MBNL2: variants seen among roughly 807,000 people sequenced by gnomAD.
MBNL2 encodes the protein muscleblind like splicing regulator 2, also known as muscleblind-like protein 2.
In MBNL2, 17 loss-of-function variants were observed where a neutral mutation model predicts 41.9. That is an observed-to-expected ratio of 0.41 (90% CI 0.28 to 0.61). MBNL2 has a LOEUF of 0.61. Among genes scored for constraint, MBNL2 ranks in the 20% least tolerant of loss-of-function variants. The pLI, the probability that MBNL2 is intolerant of heterozygous loss-of-function variation, is 0.35. For synonymous variants in MBNL2, 195 were observed against 182.9 expected (o/e 1.07, Z -0.53); for missense variants, 336 against 505.6 (o/e 0.66, Z 3.22).
intron 1 of MBNL2, among the ~76,000 whole-genome samples, chr13:97,232,992 T>C (rs1041568607): frequency 9.3e-5 from 14 of 151,012 alleles, no homozygotes; most frequent in African/African-American, 3.4e-4. Flanking sequence ...CTGTAAGACC[T>C]ATTCCAAAGT....
chr13:97,178,282 G>A, the MBNL2 span, among the ~76,000 whole-genome samples: 2 of 152,186 alleles, frequency 1.3e-5, no homozygotes, highest in South Asian at 2.1e-4. Context: ...ATTTATTTAT[G>A]TGTTTAACTA....
At chr13:97,194,836 C>A in the MBNL2 span, among the ~76,000 whole-genome samples, 2 of 152,268 alleles carry the variant, frequency 1.3e-5, no homozygotes, top group East Asian at 1.9e-4. Flanking sequence ...CATGGCAATG[C>A]CCGGAAGTTA....
chr13:97,230,558 C>T (rs1382902430), intron 1 of MBNL2, among the ~76,000 whole-genome samples: 1 of 152,094 alleles, frequency 6.6e-6, no homozygotes, highest in Non-Finnish European at 1.5e-5. Flanking sequence ...AAGAAGGCAG[C>T]GTGAACAGAG....
In MBNL2 at chr13:97,346,568, C is replaced by T. The variant is rs936306749; in HGVS notation, c.541-236C>T. Among the ~76,000 whole-genome samples the T allele has an allele frequency of 2.6e-5, 4 of 152,140 alleles. No individual in the cohort carries two copies. The highest frequency in any genetic ancestry group is 7.2e-5 in the African/African-American group (3 of 41,434). ...GTTATTTTAGCTGAACTGCAGATTT[C>T]GTATTATTTTCTCAATATAGATTTT... is the stretch of plus-strand genomic sequence containing the variant. On this transcript the variant is annotated intron_variant, in intron 4 of 8. Coordinates refer to ENST00000679496, the MANE Select transcript of MBNL2 (RefSeq NM_001382683.1). The surrounding 1 kb of genome is among the most constrained non-coding windows in gnomAD (Gnocchi z 4.2).
At chr13:97,274,526 A>T (rs2051773380) in intron 1 of MBNL2, among the ~76,000 whole-genome samples, 1 of 152,154 alleles carries the variant, frequency 6.6e-6, no homozygotes, top group African/African-American at 2.4e-5. Flanking sequence ...AAAAAAAAAA[A>T]AATTATTGCT....
chr13:97,296,717 A>G (rs2057066637), intron 2 of MBNL2, among the ~76,000 whole-genome samples: 1 of 152,198 alleles, frequency 6.6e-6, no homozygotes, highest in South Asian at 2.1e-4. Context: ...CAGTTGAGAT[A>G]GTCTATTTGA....
chr13:97,385,873 A>G (rs1209034717), intron 8 of MBNL2, among the ~76,000 whole-genome samples: 1 of 152,186 alleles, frequency 6.6e-6, no homozygotes, highest in Non-Finnish European at 1.5e-5. Context: ...GATTAGTTCA[A>G]GTTCAGTGTT....
At chr13:97,162,973 G>A in the MBNL2 span, among the ~76,000 whole-genome samples, 5 of 152,208 alleles carry the variant, frequency 3.3e-5, no homozygotes, top group South Asian at 1.0e-3. Context: ...GAGGTTCAGG[G>A]GAAGAGGAAG....
At chr13:97,287,699 A>AT (rs1376235706) in intron 2 of MBNL2, among the ~76,000 whole-genome samples, 1 of 112,584 alleles carries the variant, frequency 8.9e-6, no homozygotes. Flanking sequence ...ATTTCTTTCT[A>AT]TTTTTTCTTT....
rs866989306 is a variant in MBNL2, at chr13:97,393,562, A to G, written c.*2113A>G. ...TTCCAGAATTGTGATTACAATATGC[A>G]AAGAGTCATAAATATGCCATTTACA... On this transcript the variant is annotated 3_prime_UTR_variant, in exon 9 of 9. Transcript: ENST00000679496. 1 of 152,508 alleles carries G rather than the reference A, an allele frequency of 6.6e-6. No individual in the cohort carries two copies. The highest frequency in any genetic ancestry group is 1.9e-4 in the East Asian group (1 of 5,202). The allele number at this position is 152,508 out of a possible 1,614,324, so 9.4% of individuals were successfully genotyped here. A position where few individuals can be genotyped will look rare whatever the true frequency, so the allele number is the denominator to read the frequency against.
At chr13:97,271,193 G>T (rs1446131164) in intron 1 of MBNL2, among the ~76,000 whole-genome samples, 1 of 145,062 alleles carries the variant, frequency 6.9e-6, no homozygotes, top group African/African-American at 2.6e-5. Flanking sequence ...CGAGCTCACT[G>T]CAATCTCCAC....
rs570844061 is a variant in MBNL2, at chr13:97,382,602, G to A, written c.1049-8720G>A. 1.1e-3 allele frequency among the ~76,000 whole-genome samples: 164 copies of A among 152,164 alleles called. 1 individual carries two copies. Among genetic ancestry groups the A allele is most frequent in the African/African-American group, 3.9e-3 (161 of 41,518 alleles). ...GATAAAATCTCGGGCCTGCTTCTGG[G>A]TAGCCACCAGACCCATTCACACCAC... is the stretch of plus-strand genomic sequence containing the variant. On this transcript the variant is annotated intron_variant, in intron 8 of 8. Coordinates refer to ENST00000679496, the MANE Select transcript of MBNL2 (RefSeq NM_001382683.1).
the MBNL2 span, among the ~76,000 whole-genome samples, chr13:97,200,124 C>G: frequency 1.3e-5 from 2 of 152,232 alleles, no homozygotes; most frequent in Non-Finnish European, 2.9e-5. Flanking sequence ...TCTCTAGCCA[C>G]CTCCAGCCTC....
intron 8 of MBNL2, among the ~76,000 whole-genome samples, chr13:97,368,880 AT>A (rs1377330796): frequency 6.6e-6 from 1 of 152,184 alleles, no homozygotes. Context: ...CTGAACTCTG[AT>A]TTCAATTTAA....
intron 2 of MBNL2, among the ~76,000 whole-genome samples, chr13:97,283,509 TG>T (rs1426825480): frequency 2.6e-5 from 4 of 152,218 alleles, no homozygotes; most frequent in Non-Finnish European, 5.9e-5. Flanking sequence ...CTTTCTTTTT[TG>T]TTGTTGTTTT....
chr13:97,197,609 CTTAT>C, the MBNL2 span, among the ~76,000 whole-genome samples: 2 of 152,068 alleles, frequency 1.3e-5, no homozygotes, highest in Non-Finnish European at 2.9e-5. Context: ...CTTTCTTTCT[CTTAT>C]TTAATTCTCT....
At chr13:97,298,014 A>G (rs2057241105) in intron 2 of MBNL2, among the ~76,000 whole-genome samples, 1 of 152,186 alleles carries the variant, frequency 6.6e-6, no homozygotes, top group Admixed American at 6.5e-5. Flanking sequence ...AAATGATAAT[A>G]ATAGCTGCCA....
chr13:97,181,094 T>G, the MBNL2 span, among the ~76,000 whole-genome samples: 4 of 151,030 alleles, frequency 2.6e-5, no homozygotes, highest in African/African-American at 9.8e-5. Flanking sequence ...TCTCTCTCTC[T>G]CCCCCCCACC....
At chr13:97,317,197 C>T (rs969386851) in intron 2 of MBNL2, among the ~76,000 whole-genome samples, 5 of 152,120 alleles carry the variant, frequency 3.3e-5, no homozygotes, top group African/African-American at 7.2e-5. Context: ...GCTTCAGTCC[C>T]GTGTGGTCCT....
Sources: allele counts gnomAD v4.1 joint callset (sites outside exome capture counted in the v4.1 genomes callset), GRCh38; gene constraint gnomAD v4.1.1; non-coding constraint Gnocchi (gnomAD v3.1); transcripts MANE v1.5; gene names NCBI Gene and HGNC (gene_info 2026-07-23, HGNC 2026-07-21).